Variants in EIPR1 observed in about 807,000 individuals in gnomAD.
EIPR1 encodes the protein EARP and GARP complex-interacting protein 1.
Under a neutral mutation model 48.1 loss-of-function variants are expected in EIPR1, and 25 were observed. That is an observed-to-expected ratio of 0.52 (90% confidence interval 0.38 to 0.73). EIPR1 has a LOEUF of 0.73. EIPR1 is among the 30% of genes least tolerant of loss of function. The pLI is 0.00. For synonymous variants in EIPR1, 204 were observed against 201.9 expected, an observed-to-expected ratio of 1.01 and a Z score of -0.09; for missense variants, 415 against 506.2, an observed-to-expected ratio of 0.82 and a Z score of 1.73.
At chr2:3,268,586 T>G (rs1667567743) in intron 3 of EIPR1, among the ~76,000 whole-genome samples, 1 of 152,164 alleles carries the variant, frequency 6.6e-6, no homozygotes, top group Admixed American at 6.5e-5. Flanking sequence ...CTTCCCTGTT[T>G]AACCTGCTCT....
rs375168976 is a variant in EIPR1, at chr2:3,318,860, C to T, written c.259+19157G>A. On this transcript the variant is annotated intron_variant, in intron 3 of 8. Coordinates refer to ENST00000382125, the MANE Select transcript of EIPR1 (RefSeq NM_003310.5). The stretch of plus-strand genomic sequence containing the variant: ...ACATAAACACCTTTGAGCTCACCTG[C>T]GACCTGTCCCCTGAAGAAGACCTGG... 720 of 471,146 alleles carry T rather than the reference C, an allele frequency of 1.5e-3. 6 individuals are homozygous for T. Among genetic ancestry groups the T allele is most frequent in the African/African-American group, 0.014 (679 of 50,198 alleles). The allele number at this position is 471,146 out of a possible 1,614,324, so 29.2% of individuals were successfully genotyped here.
At chr2:3,272,033 T>C (rs1572382522) in intron 3 of EIPR1, among the ~76,000 whole-genome samples, 1 of 152,250 alleles carries the variant, frequency 6.6e-6, no homozygotes, top group Non-Finnish European at 1.5e-5. Flanking sequence ...CCTTGTACTC[T>C]TACGCTATGG....
At chr2:3,222,608 A>G (rs886278489) in intron 4 of EIPR1, among the ~76,000 whole-genome samples, 1 of 152,226 alleles carries the variant, frequency 6.6e-6, no homozygotes. Flanking sequence ...GGAACATTGT[A>G]AGGCTGTGAT....
intron 5 of EIPR1, chr2:3,208,821 C>T (rs903835664): frequency 7.7e-6 from 12 of 1,550,278 alleles, no homozygotes; most frequent in African/African-American, 4.1e-5. Flanking sequence ...GAGTGAGGCC[C>T]GTGGCAGGTG....
Position 3,338,167 on chromosome 2 carries a change from G to C in EIPR1, c.127-18C>G, listed in dbSNP as rs780302609. 1.9e-6 allele frequency: 3 copies of C among 1,608,054 alleles called. No individual in the cohort carries two copies. Among genetic ancestry groups the C allele is most frequent in the Non-Finnish European group, 2.5e-6 (3 of 1,178,818 alleles). On this transcript the variant is annotated intron_variant, in intron 2 of 8. Coordinates refer to ENST00000382125, the MANE Select transcript of EIPR1 (RefSeq NM_003310.5). ...ATATGGATCTACAAATACAAGAAAA[G>C]AGCACATCAGGATCTCAAACACTTT... is the stretch of plus-strand genomic sequence containing the variant.
Position 3,194,047 on chromosome 2 carries a change from G to A in EIPR1, c.773C>T (p.Thr258Ile), listed in dbSNP as rs766670069. Residue 258 changes from threonine to isoleucine, a missense_variant, in exon 7 of 9, where the codon ACC becomes ATC. Thr to Ile is a moderately conservative substitution (Grantham distance 89, BLOSUM62 -1). Coordinates refer to ENST00000382125, the MANE Select transcript of EIPR1 (RefSeq NM_003310.5). ...GDDCKVKFWD[T>I]RNVTEPVKTL... ...CTTCACGGGTTCGGTGACATTTCGG[G>A]TGTCCCAGAACTTCACCTTACAGTC... The A allele has an allele frequency of 6.2e-6, 10 of 1,613,736 alleles. No homozygotes were observed. Among genetic ancestry groups the A allele is most frequent in the South Asian group, 4.4e-5 (4 of 91,076 alleles).
At chr2:3,209,775 C>CATCCAT (rs1193308152) in intron 5 of EIPR1, among the ~76,000 whole-genome samples, 1 of 152,182 alleles carries the variant, frequency 6.6e-6, no homozygotes, top group Non-Finnish European at 1.5e-5. Flanking sequence ...ATCTAAAAAC[C>CATCCAT]ATCCATACTG....
At chr2:3,257,174 C>A in intron 4 of EIPR1, 125 bp downstream of exon 4, 1 of 1,126,448 alleles carries the variant, frequency 8.9e-7, no homozygotes, top group Non-Finnish European at 1.2e-6. Flanking sequence ...ATTCTCGCAG[C>A]TTTTTAAAAG....
At chr2:3,275,373 C>T (rs1667817350) in intron 3 of EIPR1, among the ~76,000 whole-genome samples, 1 of 149,860 alleles carries the variant, frequency 6.7e-6, no homozygotes, top group Admixed American at 6.6e-5. Flanking sequence ...CACCAAAACA[C>T]ATAAAGCAAA....
Position 3,338,108 on chromosome 2 carries a change from A to G in EIPR1, c.168T>C (p.Asn56=). Residue 56 remains asparagine, a synonymous_variant, in exon 3 of 9, where the codon AAT becomes AAC. Coordinates refer to ENST00000382125, the MANE Select transcript of EIPR1 (RefSeq NM_003310.5). ...CCGCTTGATGGAGGAGGACATTTTT[A>G]TTTATAATGTTGTTTTCATCGTCAA... ...IDFDDENNII[N]KNVLLHQAGE... is the part of the protein sequence containing the mutation. 1.9e-6 allele frequency: 3 copies of G among 1,612,890 alleles called. No homozygotes were observed. The South Asian group carries it at 3.3e-5, about 18-fold the overall frequency.
At chr2:3,212,999 A>G (rs989769030) in intron 5 of EIPR1, among the ~76,000 whole-genome samples, 1 of 152,196 alleles carries the variant, frequency 6.6e-6, no homozygotes, top group Admixed American at 6.5e-5. Flanking sequence ...ACTTATTAAT[A>G]ATGATGCATC....
rs368551530 is a variant in EIPR1 at position 3,207,381 on chromosome 2, G to A, written c.516+6768C>T. Among the ~76,000 whole-genome samples, 30 of 152,292 alleles carry A rather than the reference G, an allele frequency of 2.0e-4. 1 individual carries two copies. The South Asian group carries it at 6.0e-3, about 30-fold the overall frequency. On this transcript the variant is annotated intron_variant, in intron 5 of 8. Coordinates refer to ENST00000382125, the MANE Select transcript of EIPR1 (RefSeq NM_003310.5). The stretch of plus-strand genomic sequence containing the variant: ...GACTCACTGCCTCCGGGCCTCCCCC[G>A]GCTCAGGTCGTCCTGTACTCTGTGC...
intron 3 of EIPR1, among the ~76,000 whole-genome samples, chr2:3,263,950 C>G (rs1185326904): frequency 6.6e-6 from 1 of 152,184 alleles, no homozygotes; most frequent in Admixed American, 6.5e-5. Context: ...ACCTTACATA[C>G]TTATCATTTT....
chr2:3,238,809 C>T (rs368229446), intron 4 of EIPR1, among the ~76,000 whole-genome samples: 1 of 152,226 alleles, frequency 6.6e-6, no homozygotes, highest in Non-Finnish European at 1.5e-5. Context: ...TCTGCATGCC[C>T]TGAGATTCCC....
At chr2:3,307,251 T>G (rs1035278956) in intron 3 of EIPR1, among the ~76,000 whole-genome samples, 24 of 152,270 alleles carry the variant, frequency 1.6e-4, no homozygotes, top group African/African-American at 5.8e-4. Context: ...TGTGAGCCAC[T>G]GTGCCCAGCC....
intron 1 of EIPR1, among the ~76,000 whole-genome samples, chr2:3,360,265 G>A (rs187821286): frequency 3.3e-5 from 5 of 152,248 alleles, no homozygotes; most frequent in African/African-American, 7.2e-5. Flanking sequence ...TTAGCTGGGC[G>A]TGGTGGTGAG....
At chr2:3,347,632 C>T (rs991688419) in intron 2 of EIPR1, among the ~76,000 whole-genome samples, 1 of 152,204 alleles carries the variant, frequency 6.6e-6, no homozygotes, top group African/African-American at 2.4e-5. Flanking sequence ...CAAACTGATT[C>T]TTCAAGAGTG....
chr2:3,370,691 A>C (rs1558324824), intron 1 of EIPR1, among the ~76,000 whole-genome samples: 2 of 152,288 alleles, frequency 1.3e-5, no homozygotes, highest in South Asian at 4.1e-4. Context: ...TTAGAGAAAA[A>C]AGAATAAAAA....
intron 1 of EIPR1, 134 bp downstream of exon 1, chr2:3,377,514 C>A: frequency 8.2e-7 from 1 of 1,216,090 alleles, no homozygotes; most frequent in East Asian, 2.6e-5. Flanking sequence ...TACTTCTCTG[C>A]AAAATGGGAA....
Sources: allele counts gnomAD v4.1 joint callset (sites outside exome capture counted in the v4.1 genomes callset), GRCh38; gene constraint gnomAD v4.1.1; transcripts MANE v1.5; gene names NCBI Gene and HGNC (gene_info 2026-07-23, HGNC 2026-07-21).